Variants in MRPL52 observed in about 807,000 individuals in gnomAD.
MRPL52 encodes the protein mitochondrial ribosomal protein L52.
MRPL52 carries 19 observed loss-of-function variants against 22.1 expected under a neutral mutation model. The observed-to-expected ratio is 0.86, with a 90% confidence interval of 0.60 to 1.26. The LOEUF (loss-of-function observed/expected upper bound fraction) is 1.26. Among genes scored for constraint, MRPL52 ranks in the 50% most tolerant of loss-of-function variants. The pLI is 0.00. For synonymous variants in MRPL52, 50 were observed against 57.5 expected (o/e 0.87, Z 0.59); for missense variants, 152 against 148.1 (o/e 1.03, Z -0.14).
At position 22,834,554 on chromosome 14, in the gene MRPL52, G is replaced by T. The variant is rs372260210; in HGVS notation, c.*233G>T. 4.3e-6 allele frequency: 2 copies of T among 460,850 alleles called. No homozygotes were observed. The highest frequency in any genetic ancestry group is 2.0e-5 in the African/African-American group (1 of 50,416). 28.5% of individuals were successfully genotyped at this position (460,850 alleles called of 1,614,324 possible). A position where few individuals can be genotyped will look rare whatever the true frequency, so the allele number is the denominator to read the frequency against. Reference sequence around the variant, plus strand: ...CTTGCTTTAAAATTTTTACCTCCTAGCTGGGTGCGGTGGCTCACGCCTGTA... The same window carrying T: ...CTTGCTTTAAAATTTTTACCTCCTATCTGGGTGCGGTGGCTCACGCCTGTA... On this transcript the variant is annotated 3_prime_UTR_variant, in exon 5 of 5. Coordinates refer to ENST00000397496, the MANE Select transcript of MRPL52 (RefSeq NM_180982.3).
intron 3 of MRPL52, chr14:22,831,106 C>CCTT: frequency 2.4e-5 from 4 of 164,924 alleles, no homozygotes; most frequent in Non-Finnish European, 3.2e-5. Flanking sequence ...CATATGACTG[C>CCTT]TTTTTTTTTT....
In MRPL52 at chr14:22,830,204, ACCCCT is replaced by A. The variant is rs1566473925; in HGVS notation, c.107_111del (p.Pro36ArgfsTer31). ...CCACACAGGCAGGGACTGGCTGCCA[ACCCCT>A]CCGGCTACGGGCCCCTTACCGAGCT... On this transcript the variant is annotated frameshift_variant, in exon 3 of 5. Transcript: ENST00000397496. LOFTEE classifies it high-confidence loss of function. 1 of 1,614,020 alleles carries A rather than the reference ACCCCT, an allele frequency of 6.2e-7. No individual in the cohort carries two copies. The highest frequency in any genetic ancestry group is 1.3e-5 in the African/African-American group (1 of 74,990).
intron 4 of MRPL52, among the ~76,000 whole-genome samples, chr14:22,833,781 C>G (rs1247894718): frequency 6.6e-6 from 1 of 152,122 alleles, no homozygotes; most frequent in Non-Finnish European, 1.5e-5. Context: ...GCCACCACAC[C>G]CAGCTAACTT....
chr14:22,830,053 G>A lies in MRPL52; in HGVS notation c.29G>A (p.Ser10Asn). MAALGTVLF[S>N]VRRLHCSVAA... is the part of the protein sequence containing the mutation. ...CAACTCTGCTCTGTTCTCCCAGCAG[G>A]TGTCCGGAGGCTGCACTGCAGCGTA... Residue 10 changes from serine (S) to asparagine (N), a missense_variant and splice_region_variant, in exon 2 of 5, where the codon AGT (serine) becomes AAT (asparagine). Transcript: ENST00000397496. 1 of 1,614,096 alleles carries A rather than the reference G, an allele frequency of 6.2e-7. No homozygotes were observed. Among genetic ancestry groups the A allele is most frequent in the Non-Finnish European group, 8.5e-7 (1 of 1,179,966 alleles).
chr14:22,831,105 G>GTTTTTTTTTT (rs1566474798), intron 3 of MRPL52: 6 of 101,140 alleles, frequency 5.9e-5, no homozygotes, highest in South Asian at 1.3e-4. Flanking sequence ...ACATATGACT[G>GTTTTTTTTTT]CTTTTTTTTT....
intron 3 of MRPL52, among the ~76,000 whole-genome samples, chr14:22,832,578 G>A (rs939397659): frequency 9.2e-5 from 14 of 151,928 alleles, no homozygotes; most frequent in Non-Finnish European, 2.1e-4. Context: ...CTGACCTCGT[G>A]ATCCGCCTGC....
In MRPL52 at chr14:22,833,760, T is replaced by C. The variant is rs112221794; in HGVS notation, c.219+278T>C. Among the ~76,000 whole-genome samples, 1,139 of 152,322 alleles carry C rather than the reference T, an allele frequency of 7.5e-3. 7 individuals carry two copies. The highest frequency in any genetic ancestry group is 0.026 in the African/African-American group (1,072 of 41,570). On this transcript the variant is annotated intron_variant, in intron 4 of 4. Transcript: ENST00000397496. ...CCTCAGCCTCCTGAGTAGCTGGGAT[T>C]ACACACGTGTGCCACCACACCCAGC...
chr14:22,831,191 C>T (rs919203646), intron 3 of MRPL52: 1 of 553,558 alleles, frequency 1.8e-6, no homozygotes, highest in Non-Finnish European at 3.1e-6. Flanking sequence ...TCGCTCACTG[C>T]AGCCTTGATC....
chr14:22,830,905 C>T, intron 3 of MRPL52: 1 of 1,222,042 alleles, frequency 8.2e-7, no homozygotes, highest in South Asian at 1.3e-5. Flanking sequence ...AGAACATAGG[C>T]CAGTCCTCCT....
rs768566978 is a variant in MRPL52 at position 22,829,896 on chromosome 14, G to A, written c.-17G>A. 2 of 1,382,096 alleles carry A rather than the reference G, an allele frequency of 1.4e-6. No homozygotes were observed. The highest frequency in any genetic ancestry group is 2.8e-5 in the East Asian group (1 of 36,024). The allele number at this position is 1,382,096 out of a possible 1,614,324, so 85.6% of individuals were successfully genotyped here. ...GGCCACGCCTACTTCCGGCTACCCC[G>A]GCTACTCCTGCTCAGCATGGCTGCT... On this transcript the variant is annotated 5_prime_UTR_variant, in exon 1 of 5. Transcript: ENST00000397496.
rs748650441 is a variant in MRPL52, at chr14:22,834,166, T to A, written c.220-6T>A. 3 of 1,613,888 alleles carry A rather than the reference T, an allele frequency of 1.9e-6. No homozygotes were observed. The highest frequency in any genetic ancestry group is 2.5e-6 in the Non-Finnish European group (3 of 1,179,934). On this transcript the variant is annotated splice_polypyrimidine_tract_variant and splice_region_variant and intron_variant, in intron 4 of 4. Coordinates refer to ENST00000397496, the MANE Select transcript of MRPL52 (RefSeq NM_180982.3). ...GTTATCCACACTGTTTTCCTGTCTG[T>A]TTCAGAGACGAGTTGTACTGCTGTC... is the stretch of plus-strand genomic sequence containing the variant.
intron 3 of MRPL52, chr14:22,830,826 A>T: frequency 1.7e-6 from 1 of 590,974 alleles, no homozygotes; most frequent in Non-Finnish European, 3.0e-6. Context: ...GTGTACAAGT[A>T]GGAAATTTGA....
At chr14:22,830,962 A>G (rs1305579868) in intron 3 of MRPL52, 2 of 1,527,148 alleles carry the variant, frequency 1.3e-6, no homozygotes, top group Non-Finnish European at 1.8e-6. Flanking sequence ...GTTGCTCTCT[A>G]GGGGTATGAT....
At chr14:22,830,608 A>G (rs1002388542) in intron 3 of MRPL52, 1 of 400,584 alleles carries the variant, frequency 2.5e-6, no homozygotes, top group Non-Finnish European at 4.5e-6. Flanking sequence ...AGTATTTGGT[A>G]CCAAATGCAG....
At position 22,833,048 on chromosome 14, in the gene MRPL52, C is replaced by T. The variant is rs185580431; in HGVS notation, c.155-370C>T. Among the ~76,000 whole-genome samples, 194 of 151,946 alleles carry T rather than the reference C, an allele frequency of 1.3e-3. 1 individual carries two copies. Among genetic ancestry groups the T allele is most frequent in the African/African-American group, 4.5e-3 (185 of 41,426 alleles). ...CAAAAATTAGCCAGGGATGGTGGCA[C>T]GTGTTTGTAGTCCCAGCTACTCGGG... is the stretch of plus-strand genomic sequence containing the variant. On this transcript the variant is annotated intron_variant, in intron 3 of 4. Transcript: ENST00000397496.
At chr14:22,830,547 G>T in intron 3 of MRPL52, 1 of 465,974 alleles carries the variant, frequency 2.1e-6, no homozygotes, top group Admixed American at 3.9e-5. Context: ...TTCAAAGGGG[G>T]ACATTTTTTT....
chr14:22,830,028 C>T, intron 1 of MRPL52, 25 bp from the exon 2 acceptor site: 1 of 1,613,878 alleles, frequency 6.2e-7, no homozygotes, highest in Non-Finnish European at 8.5e-7. Context: ...GCCTCTCCCC[C>T]AACTCTGCTC....
Position 22,830,571 on chromosome 14 carries a change from A to G in MRPL52, c.154+317A>G, listed in dbSNP as rs1050285183. The G allele has an allele frequency of 9.1e-6, 4 of 437,392 alleles. No individual in the cohort carries two copies. The Admixed American group carries it at 1.6e-4, about 18-fold the overall frequency. The allele number at this position is 437,392 out of a possible 1,614,324, so 27.1% of individuals were successfully genotyped here. A position where few individuals can be genotyped will look rare whatever the true frequency, so the allele number is the denominator to read the frequency against. On this transcript the variant is annotated intron_variant, in intron 3 of 4. Transcript: ENST00000397496. ...GGACATTTTTTTTTAACCAAGAACC[A>G]CTTTTCTCTGTGGTTAGTGAATTTT...
Position 22,832,901 on chromosome 14 carries a change from C to T in MRPL52, c.155-517C>T, listed in dbSNP as rs550685980. ...TCTCAAAATAAAAAATAAAAAAGGC[C>T]GAGCACGGTGGCTCATGCTTGTAAT... On this transcript the variant is annotated intron_variant, in intron 3 of 4. Transcript: ENST00000397496. Among the ~76,000 whole-genome samples the T allele has an allele frequency of 7.9e-5, 12 of 151,904 alleles. No individual in the cohort carries two copies. The South Asian group carries it at 2.3e-3, about 29-fold the overall frequency.
Sources: gnomAD v4.1 joint callset for allele counts (sites outside exome capture counted in the v4.1 genomes callset) on GRCh38, gnomAD v4.1.1 for gene constraint, MANE v1.5 for transcripts, NCBI Gene and HGNC (gene_info 2026-07-23, HGNC 2026-07-21) for gene names.